Variants in SUGT1 observed in about 807,000 individuals in gnomAD.
The protein encoded by SUGT1 is protein SGT1 homolog.
A neutral mutation model predicts 56.1 loss-of-function variants in SUGT1; 15 were observed. The observed-to-expected ratio is 0.27, with a 90% confidence interval of 0.18 to 0.41. SUGT1 has a LOEUF of 0.41. Among genes scored for constraint, SUGT1 ranks in the 10% least tolerant of loss-of-function variants. SUGT1 has a pLI of 1.00. For synonymous variants in SUGT1, 123 were observed against 128.6 expected (o/e 0.96, Z 0.30); for missense variants, 347 against 382.2 (o/e 0.91, Z 0.77).
At chr13:52,683,538 G>A (rs1166096749) in intron 12 of SUGT1, among the ~76,000 whole-genome samples, 1 of 152,124 alleles carries the variant, frequency 6.6e-6, no homozygotes, top group Admixed American at 6.6e-5. Context: ...TATTCATGAG[G>A]AATATGAGTC....
chr13:52,662,846 A>G (rs1462752125), intron 6 of SUGT1, 144 bp downstream of exon 6: 4 of 897,974 alleles, frequency 4.5e-6, no homozygotes, highest in Non-Finnish European at 5.0e-6. Flanking sequence ...CCAAAGATAC[A>G]CTGGTTTTTG....
intron 2 of SUGT1, among the ~76,000 whole-genome samples, chr13:52,654,739 A>G (rs953633865): frequency 3.3e-5 from 5 of 152,250 alleles, no homozygotes; most frequent in African/African-American, 4.8e-5. Context: ...TTACATAAGT[A>G]TACATTCATA....
In SUGT1 at chr13:52,699,947, A is replaced by C. The variant is rs1355213979; in HGVS notation, c.*12112A>C. The C allele has an allele frequency of 6.6e-6, 1 of 152,170 alleles. No homozygotes were observed. Among genetic ancestry groups the C allele is most frequent in the African/African-American group, 2.4e-5 (1 of 41,450 alleles). The allele number at this position is 152,170 out of a possible 1,614,324, so 9.4% of individuals were successfully genotyped here. ...GAATTTTTGTAGCCATGTGCAGAGGAGAGAAAAGGTGTTGGATTTTCTGCA... is the reference window on the plus strand; with the variant it reads ...GAATTTTTGTAGCCATGTGCAGAGGCGAGAAAAGGTGTTGGATTTTCTGCA... On this transcript the variant is annotated 3_prime_UTR_variant, in exon 13 of 13. Coordinates refer to ENST00000310528, the MANE Select transcript of SUGT1 (RefSeq NM_006704.5).
At chr13:52,687,571 A>G (rs1270391093) in intron 12 of SUGT1, 163 bp from the exon 13 acceptor site, 2 of 379,344 alleles carry the variant, frequency 5.3e-6, no homozygotes, top group Admixed American at 4.6e-5. Flanking sequence ...ATTGAGCTAT[A>G]TATTTTATCT....
intron 2 of SUGT1, among the ~76,000 whole-genome samples, chr13:52,656,442 T>C (rs1962172757): frequency 6.6e-6 from 1 of 152,212 alleles, no homozygotes; most frequent in African/African-American, 2.4e-5. Context: ...CCAGTCTTGA[T>C]TTGATAATGT....
chr13:52,698,394 A>T lies in SUGT1; in HGVS notation c.*10559A>T, dbSNP rs1963994527. ...TTTTCTTCATACAGGTTTTTAATGT[A>T]ACTCACTCAGATCGTTGGTGATAGA... On this transcript the variant is annotated 3_prime_UTR_variant, in exon 13 of 13. Coordinates refer to ENST00000310528, the MANE Select transcript of SUGT1 (RefSeq NM_006704.5). 1 of 151,258 alleles carries T rather than the reference A, an allele frequency of 6.6e-6. No individual in the cohort carries two copies. The highest frequency in any genetic ancestry group is 2.1e-4 in the South Asian group (1 of 4,802). The allele number at this position is 151,258 out of a possible 1,614,324, so 9.4% of individuals were successfully genotyped here. A position where few individuals can be genotyped will look rare whatever the true frequency, so the allele number is the denominator to read the frequency against.
intron 12 of SUGT1, among the ~76,000 whole-genome samples, chr13:52,686,084 C>T (rs555980147): frequency 2.6e-5 from 4 of 152,288 alleles, no homozygotes; most frequent in Non-Finnish European, 2.9e-5. Context: ...CATGCCACTA[C>T]GCCTGGCTAA....
chr13:52,675,558 C>G (rs1036041998), intron 10 of SUGT1, among the ~76,000 whole-genome samples: 1 of 152,136 alleles, frequency 6.6e-6, no homozygotes, highest in Non-Finnish European at 1.5e-5. Context: ...GCCTGGGAGA[C>G]AGAGCAAGAC....
In SUGT1 at chr13:52,697,163, C is replaced by T. The variant is rs891178461; in HGVS notation, c.*9328C>T. 6.6e-6 allele frequency: 1 copy of T among 152,026 alleles called. No individual in the cohort carries two copies. The highest frequency in any genetic ancestry group is 2.4e-5 in the African/African-American group (1 of 41,388). The allele number at this position is 152,026 out of a possible 1,614,324, so 9.4% of individuals were successfully genotyped here. A position where few individuals can be genotyped will look rare whatever the true frequency, so the allele number is the denominator to read the frequency against. On this transcript the variant is annotated 3_prime_UTR_variant, in exon 13 of 13. Coordinates refer to ENST00000310528, the MANE Select transcript of SUGT1 (RefSeq NM_006704.5). ...GACTACAGGTGTGTGCCACCACTCC[C>T]AGCTAATTTTTAAATTTTGTGTAGA...
At chr13:52,669,258 A>G (rs1196094746) in intron 10 of SUGT1, among the ~76,000 whole-genome samples, 1 of 152,230 alleles carries the variant, frequency 6.6e-6, no homozygotes, top group Non-Finnish European at 1.5e-5. Flanking sequence ...CCCCAGATAA[A>G]GTTACAAGAT....
rs551046387 is a variant in SUGT1 at position 52,682,093 on chromosome 13, G to A, written c.900+1938G>A. On this transcript the variant is annotated intron_variant, in intron 12 of 12. Transcript: ENST00000310528. ...TAAGTCTAATTTACCGCTTTTTATG[G>A]ATCATGCTTTTAGTTTCAGGTCTTA... Among the ~76,000 whole-genome samples, 232 of 152,062 alleles carry A rather than the reference G, an allele frequency of 1.5e-3. 1 individual carries two copies. Among genetic ancestry groups the A allele is most frequent in the Non-Finnish European group, 2.7e-3 (181 of 67,986 alleles).
At chr13:52,660,765 T>A (rs1044464463) in intron 5 of SUGT1, among the ~76,000 whole-genome samples, 6 of 152,170 alleles carry the variant, frequency 3.9e-5, no homozygotes, top group Non-Finnish European at 7.4e-5. Flanking sequence ...AATGTGAAAA[T>A]CCTGAAGAAA....
rs576954949 is a variant in SUGT1, at chr13:52,666,931, G to A, written c.627+12G>A. The A allele has an allele frequency of 3.9e-5, 61 of 1,578,840 alleles. No homozygotes were observed. In the South Asian group the frequency reaches 6.3e-4, roughly 16 times the overall value. Reference sequence around the variant, plus strand: ...TACTTTCAACAAAGGTAAGACCATTGAAAAGTTTGTTACTAGTAATATTTT... The same window carrying A: ...TACTTTCAACAAAGGTAAGACCATTAAAAAGTTTGTTACTAGTAATATTTT... On this transcript the variant is annotated intron_variant, in intron 10 of 12. Transcript: ENST00000310528.
At chr13:52,668,473 G>GT (rs1007369234) in intron 10 of SUGT1, among the ~76,000 whole-genome samples, 3 of 152,096 alleles carry the variant, frequency 2.0e-5, no homozygotes, top group South Asian at 2.1e-4. Context: ...AAGTGAAGTA[G>GT]TTTTTTGCAT....
At chr13:52,682,443 C>G (rs1332126586) in intron 12 of SUGT1, among the ~76,000 whole-genome samples, 1 of 152,142 alleles carries the variant, frequency 6.6e-6, no homozygotes, top group Non-Finnish European at 1.5e-5. Context: ...TCAAGCAGTC[C>G]TTCGGCCTTG....
intron 5 of SUGT1, among the ~76,000 whole-genome samples, chr13:52,660,970 C>A (rs931800065): frequency 2.0e-5 from 3 of 152,104 alleles, no homozygotes; most frequent in African/African-American, 7.2e-5. Flanking sequence ...CCACACCTGA[C>A]TAATTTTTGC....
chr13:52,673,626 G>A (rs1963026989), intron 10 of SUGT1, among the ~76,000 whole-genome samples: 1 of 152,180 alleles, frequency 6.6e-6, no homozygotes, highest in Admixed American at 6.5e-5. Context: ...ATGCTACTCT[G>A]TGCTGCTCTT....
At chr13:52,681,251 A>C (rs1343127017) in intron 12 of SUGT1, among the ~76,000 whole-genome samples, 1 of 148,762 alleles carries the variant, frequency 6.7e-6, no homozygotes. Context: ...CCCTATCTCT[A>C]CAAAAAAAAA....
chr13:52,679,722 A>C (rs1963292919), intron 11 of SUGT1, among the ~76,000 whole-genome samples: 2 of 152,216 alleles, frequency 1.3e-5, no homozygotes, highest in Non-Finnish European at 2.9e-5. Context: ...AGCATATCAA[A>C]AGTTTACACT....
Sources: allele counts gnomAD v4.1 joint callset (sites outside exome capture counted in the v4.1 genomes callset), GRCh38; gene constraint gnomAD v4.1.1; transcripts MANE v1.5; gene names NCBI Gene and HGNC (gene_info 2026-07-23, HGNC 2026-07-21).